The following MAP3K13 variants were observed in gnomAD, a reference collection of about 807,000 sequenced individuals.
MAP3K13 encodes leucine zipper-bearing kinase.
Under a neutral mutation model 104.0 loss-of-function variants are expected in MAP3K13, and 52 were observed. That is an observed-to-expected ratio of 0.50 (90% confidence interval 0.40 to 0.63). The LOEUF is 0.63. Among genes scored for constraint, MAP3K13 ranks in the 20% least tolerant of loss-of-function variants. The pLI is 0.00. For missense variants in MAP3K13, 914 were observed against 1,218.5 expected (o/e 0.75, Z 3.72); for synonymous variants, 394 against 442.2 (o/e 0.89, Z 1.37).
At position 185,331,393 on chromosome 3, in the gene MAP3K13, CCTTTT is replaced by C. The variant is rs544999747; in HGVS notation, c.-86+45766_-86+45770del. ...TACAGGCGTGAACCACTGCGCCTGG[CCTTTT>C]CTTTTCTTTTCTTTTTTTTTAAGTA... On this transcript the variant is annotated intron_variant, in intron 2 of 14. Transcript: ENST00000424227. 6.2e-4 allele frequency among the ~76,000 whole-genome samples: 94 copies of C among 151,954 alleles called. 2 individuals are homozygous for C. The highest frequency in any genetic ancestry group is 1.5e-3 in the South Asian group (7 of 4,818).
At chr3:185,337,831 A>AG (rs1722567941) in intron 2 of MAP3K13, among the ~76,000 whole-genome samples, 1 of 151,828 alleles carries the variant, frequency 6.6e-6, no homozygotes, top group Non-Finnish European at 1.5e-5. Flanking sequence ...GGGGGTGGGG[A>AG]GGGGACACAA....
At chr3:185,330,046 A>ATTTTTTTTTTTTTTTT (rs548813356) in intron 2 of MAP3K13, among the ~76,000 whole-genome samples, 5 of 98,276 alleles carry the variant, frequency 5.1e-5, no homozygotes, top group African/African-American at 1.8e-4. Flanking sequence ...TGCCTGGCTA[A>ATTTTTTTTTTTTTTTT]TTTTTTTTTT....
At chr3:185,363,569 C>G (rs1723736761) in intron 1 of MAP3K13, among the ~76,000 whole-genome samples, 1 of 152,196 alleles carries the variant, frequency 6.6e-6, no homozygotes, top group South Asian at 2.1e-4. Flanking sequence ...TTTTCCTTTG[C>G]TTGTCTGCCT....
intron 1 of MAP3K13, among the ~76,000 whole-genome samples, chr3:185,372,806 G>A (rs1019863405): frequency 6.6e-6 from 1 of 152,142 alleles, no homozygotes; most frequent in Non-Finnish European, 1.5e-5. Flanking sequence ...TATCTGAAAC[G>A]TAAAGAGAGA....
In MAP3K13 at chr3:185,469,421, C is replaced by T. The variant is rs577366704; in HGVS notation, c.1643+2458C>T. On this transcript the variant is annotated intron_variant, in intron 10 of 13. Coordinates refer to ENST00000265026, the MANE Select transcript of MAP3K13 (RefSeq NM_004721.5). The stretch of plus-strand genomic sequence containing the variant: ...TTGTGATGGATACAACCCAGCATAA[C>T]CTCTGATCCTCAGTGCACTTCTCCA... 5.9e-5 allele frequency among the ~76,000 whole-genome samples: 9 copies of T among 152,280 alleles called. No individual in the cohort carries two copies. In the East Asian group the frequency reaches 1.5e-3, roughly 26 times the overall value.
intron 1 of MAP3K13, among the ~76,000 whole-genome samples, chr3:185,415,359 T>C (rs1421720640): frequency 6.6e-6 from 1 of 151,860 alleles, no homozygotes; most frequent in African/African-American, 2.4e-5. Context: ...GGTTTTCTCA[T>C]GTTGCCCAGG....
chr3:185,461,079 C>T lies in MAP3K13; in HGVS notation c.1279-2471C>T, dbSNP rs548196160. On this transcript the variant is annotated intron_variant, in intron 7 of 13. Transcript: ENST00000265026. The stretch of plus-strand genomic sequence containing the variant: ...TTTCGCCTCCTAAGGCTCAAATACT[C>T]CTCCTGCTCCATGACTTTGATCTGA... Among the ~76,000 whole-genome samples, 35 of 152,300 alleles carry T rather than the reference C, an allele frequency of 2.3e-4. No homozygotes were observed. The South Asian group carries it at 2.5e-3, about 11-fold the overall frequency.
At chr3:185,292,914 TA>T in intron 2 of MAP3K13, 1 of 984,074 alleles carries the variant, frequency 1.0e-6, no homozygotes, top group African/African-American at 1.7e-5. Flanking sequence ...ACTTTTTTAC[TA>T]AAATGTGACC....
chr3:185,301,576 G>A (rs1370523542), intron 2 of MAP3K13, among the ~76,000 whole-genome samples: 1 of 152,166 alleles, frequency 6.6e-6, no homozygotes, highest in African/African-American at 2.4e-5. Context: ...TCTTCCAGGA[G>A]TGTTATAGTT....
intron 11 of MAP3K13, among the ~76,000 whole-genome samples, chr3:185,474,369 T>C (rs192885264): frequency 2.0e-5 from 3 of 152,144 alleles, no homozygotes; most frequent in African/African-American, 4.8e-5. Context: ...GGATATGTAA[T>C]CAAAATAGTT....
intron 1 of MAP3K13, among the ~76,000 whole-genome samples, chr3:185,409,576 C>T (rs1020494016): frequency 1.3e-5 from 2 of 152,058 alleles, no homozygotes; most frequent in African/African-American, 2.4e-5. Context: ...ACAGTATGAG[C>T]GTTCCTCAAA....
chr3:185,286,628 A>C (rs1720524258), intron 2 of MAP3K13, among the ~76,000 whole-genome samples: 1 of 152,180 alleles, frequency 6.6e-6, no homozygotes, highest in African/African-American at 2.4e-5. Flanking sequence ...GATATGGAAA[A>C]ATCTCTAATA....
rs1714589028 is a variant in MAP3K13, at chr3:185,428,904, A to T, written c.323A>T (p.Glu108Val). Reference sequence around the variant, plus strand: ...GGGAACAGCAACACGGTGGACGGAGAGAGCACAAGCGGAACTGAAGACATA... The same window carrying T: ...GGGAACAGCAACACGGTGGACGGAGTGAGCACAAGCGGAACTGAAGACATA... ...SQGNSNTVDGESTSGTEDIKI... is the reference protein window; with the variant it reads ...SQGNSNTVDGVSTSGTEDIKI... Residue 108 changes from glutamate (E) to valine (V), a missense_variant, in exon 2 of 14, where the codon GAG (glutamate) becomes GTG (valine). By Grantham distance (121) the Glu-to-Val change is moderately radical. This residue lies in a region of MAP3K13 where 156 missense variants were observed against 159.8 expected (regional missense o/e 0.98). Transcript: ENST00000265026. 1 of 1,614,072 alleles carries T rather than the reference A, an allele frequency of 6.2e-7. No individual in the cohort carries two copies. Among genetic ancestry groups the T allele is most frequent in the South Asian group, 1.1e-5 (1 of 91,090 alleles).
chr3:185,434,677 A>G (rs1315126190), intron 2 of MAP3K13, among the ~76,000 whole-genome samples: 3 of 152,168 alleles, frequency 2.0e-5, no homozygotes, highest in Non-Finnish European at 4.4e-5. Context: ...AACACAAACT[A>G]GGAGGGTAGA....
intron 2 of MAP3K13, among the ~76,000 whole-genome samples, chr3:185,311,232 A>C (rs1003084514): frequency 2.6e-5 from 4 of 152,174 alleles, no homozygotes; most frequent in Non-Finnish European, 4.4e-5. Context: ...AAAGAGGTTT[A>C]ATTGGACTTA....
At position 185,480,507 on chromosome 3, in the gene MAP3K13, G is replaced by A; in HGVS notation, c.2777G>A (p.Cys926Tyr). Residue 926 changes from cysteine (C) to tyrosine (Y), a missense_variant, in exon 13 of 14, where the codon TGT (cysteine) becomes TAT (tyrosine). Physicochemically the swap from Cys to Tyr is radical, Grantham distance 194 (BLOSUM62 -2). This residue lies in a region of MAP3K13 where 583 missense variants were observed against 737.4 expected (regional missense o/e 0.79). Coordinates refer to ENST00000265026, the MANE Select transcript of MAP3K13 (RefSeq NM_004721.5). ...ACTCAGATGTCTCTGGGCAAGCTGT[G>A]TGTGGAGGAACGTGGCTATGAGGTG... ...VKTQMSLGKL[C>Y]VEERGYENPM... is the part of the protein sequence containing the mutation. 6.2e-7 allele frequency: 1 copy of A among 1,613,774 alleles called. No individual in the cohort carries two copies. Among genetic ancestry groups the A allele is most frequent in the South Asian group, 1.1e-5 (1 of 91,082 alleles).
chr3:185,351,798 G>A (rs1394274345), intron 2 of MAP3K13, among the ~76,000 whole-genome samples: 2 of 152,140 alleles, frequency 1.3e-5, no homozygotes, highest in Non-Finnish European at 2.9e-5. Context: ...AAAAAATTTG[G>A]TGCCTCATAA....
chr3:185,380,443 A>G (rs7429087), intron 1 of MAP3K13, among the ~76,000 whole-genome samples: 37,921 of 149,330 alleles, frequency 0.25, 4,938 homozygotes, highest in Admixed American at 0.3. Context: ...CCCGGGAGGC[A>G]GAGGTTGCAG....
chr3:185,474,462 C>T (rs1717992654), intron 11 of MAP3K13, among the ~76,000 whole-genome samples: 1 of 152,218 alleles, frequency 6.6e-6, no homozygotes, highest in Non-Finnish European at 1.5e-5. Context: ...TTAAGAAGCA[C>T]AGTATTCTCT....
Sources: gnomAD v4.1 joint callset for allele counts (sites outside exome capture counted in the v4.1 genomes callset) on GRCh38, gnomAD v4.1.1 for gene constraint, gnomAD v4.1.1 regional missense constraint, MANE v1.5 for transcripts, NCBI Gene and HGNC (gene_info 2026-07-23, HGNC 2026-07-21) for gene names.